COL5A2: variants seen among roughly 807,000 people sequenced by gnomAD.
COL5A2 encodes collagen alpha-2(V) chain.
Under a neutral mutation model 208.2 loss-of-function variants are expected in COL5A2, and 23 were observed. That is an observed-to-expected ratio of 0.11 (90% CI 0.08 to 0.16). COL5A2 has a LOEUF of 0.16. Among genes scored for constraint, COL5A2 ranks in the 10% least tolerant of loss-of-function variants. COL5A2 has a pLI of 1.00. For missense variants in COL5A2, 1,590 were observed against 1,956.4 expected (o/e 0.81, Z 3.53); for synonymous variants, 625 against 628.5 (o/e 0.99, Z 0.08).
At chr2:189,098,636 C>A (rs567826778) in intron 5 of COL5A2, 91 bp downstream of exon 5, 21 of 1,040,706 alleles carry the variant, frequency 2.0e-5, no homozygotes, top group South Asian at 1.6e-4. Context: ...TTGTTTAATT[C>A]TTTTATCTTC....
At chr2:189,351,451 T>C in the COL5A2 span, among the ~76,000 whole-genome samples, 1 of 152,192 alleles carries the variant, frequency 6.6e-6, no homozygotes, top group African/African-American at 2.4e-5. Flanking sequence ...TTAAAATGAT[T>C]AGACAGTTCT....
At chr2:189,261,530 G>A in the COL5A2 span, among the ~76,000 whole-genome samples, 1 of 152,168 alleles carries the variant, frequency 6.6e-6, no homozygotes, top group Non-Finnish European at 1.5e-5. Context: ...AATCATAAAA[G>A]TCTATCTCTT....
At chr2:189,191,163 C>CAA (rs1553526772) in intron 1 of COL5A2, among the ~76,000 whole-genome samples, 82 of 72,316 alleles carry the variant, frequency 1.1e-3, no homozygotes, top group Admixed American at 4.8e-3. Flanking sequence ...AAAAAACAAA[C>CAA]AAACAACAAA....
chr2:189,146,577 C>A (rs1688044033), intron 1 of COL5A2, among the ~76,000 whole-genome samples: 1 of 151,186 alleles, frequency 6.6e-6, no homozygotes, highest in African/African-American at 2.4e-5. Flanking sequence ...TAGCATTTGG[C>A]AAGAAAAAAG....
intron 43 of COL5A2, among the ~76,000 whole-genome samples, chr2:189,049,919 C>T (rs1685748977): frequency 6.6e-6 from 1 of 152,116 alleles, no homozygotes. Flanking sequence ...ATATTTCAAC[C>T]CACATGTCTC....
chr2:189,403,835 C>T, the COL5A2 span, among the ~76,000 whole-genome samples: 171 of 152,238 alleles, frequency 1.1e-3, no homozygotes, highest in African/African-American at 3.7e-3. Context: ...TTTGTTCAAG[C>T]GATTATCCTG....
the COL5A2 span, among the ~76,000 whole-genome samples, chr2:189,404,274 T>C: frequency 6.6e-6 from 1 of 152,162 alleles, no homozygotes; most frequent in Non-Finnish European, 1.5e-5. Context: ...CCCTCACCAA[T>C]GTGGGTAGCC....
chr2:189,195,354 G>A lies in COL5A2; in HGVS notation c.-42+29794C>T, dbSNP rs531594759. Reference sequence around the variant, plus strand: ...GAAAAACATTCCATCTTCATGGATAGGAAGAATTAATATCGTGAAAATGGC... The same window carrying A: ...GAAAAACATTCCATCTTCATGGATAAGAAGAATTAATATCGTGAAAATGGC... On this transcript the variant is annotated intron_variant, in intron 1 of 10. Coordinates refer to the COL5A2 transcript ENST00000649966. Among the ~76,000 whole-genome samples, 5 of 152,266 alleles carry A rather than the reference G, an allele frequency of 3.3e-5. No homozygotes were observed. The South Asian group carries it at 1.0e-3, about 32-fold the overall frequency.
chr2:189,436,067 T>C, the COL5A2 span, among the ~76,000 whole-genome samples: 4 of 152,096 alleles, frequency 2.6e-5, no homozygotes, highest in African/African-American at 9.7e-5. Flanking sequence ...CCCAGCAAAC[T>C]ATCACCAGGA....
At chr2:189,239,547 C>A in the COL5A2 span, among the ~76,000 whole-genome samples, 1 of 142,426 alleles carries the variant, frequency 7.0e-6, no homozygotes, top group East Asian at 2.1e-4. Flanking sequence ...CATATTCTCA[C>A]TCATAGTTGG....
intron 45 of COL5A2, 85 bp from the exon 46 acceptor site, chr2:189,045,992 TA>T: frequency 8.5e-7 from 1 of 1,178,464 alleles, no homozygotes; most frequent in Non-Finnish European, 1.2e-6. Context: ...CTTATAGTAT[TA>T]ATAATGGGAA....
chr2:189,177,739 T>C (rs1241110155), intron 1 of COL5A2, among the ~76,000 whole-genome samples: 1 of 152,218 alleles, frequency 6.6e-6, no homozygotes, highest in Admixed American at 6.5e-5. Context: ...TACATTTATG[T>C]CAATTACTAT....
the COL5A2 span, among the ~76,000 whole-genome samples, chr2:189,421,698 T>C: frequency 6.6e-6 from 1 of 151,952 alleles, no homozygotes; most frequent in East Asian, 1.9e-4. Flanking sequence ...GAACCACAGC[T>C]CCTGCAAGAC....
chr2:189,342,187 C>T, the COL5A2 span, among the ~76,000 whole-genome samples: 84 of 146,646 alleles, frequency 5.7e-4, no homozygotes, highest in East Asian at 0.015. Flanking sequence ...TTTTAAATGG[C>T]TAGTGTGCTC....
In COL5A2 at chr2:189,035,125, T is replaced by C. The variant is rs370026245; in HGVS notation, c.4144A>G (p.Thr1382Ala). Residue 1382 changes from threonine to alanine, a missense_variant, in exon 53 of 54, where the codon ACA (threonine) becomes GCA (alanine). By Grantham distance (58) the Thr-to-Ala change is moderately conservative. Transcript: ENST00000374866. ...AAAAAAGTCATCTGAGTAATGGCTG[T>C]ATTAGGTGATTGGTGGTCTCCATAA... ...FAYGDHQSPN[T>A]AITQMTFLRL... The C allele has an allele frequency of 1.5e-5, 24 of 1,613,766 alleles. No individual in the cohort carries two copies. Among genetic ancestry groups the C allele is most frequent in the Non-Finnish European group, 1.9e-5 (23 of 1,179,870 alleles).
chr2:189,287,018 G>A, the COL5A2 span, among the ~76,000 whole-genome samples: 2 of 151,932 alleles, frequency 1.3e-5, no homozygotes, highest in Admixed American at 6.6e-5. Flanking sequence ...TATCTCCTGG[G>A]AAAGATATGG....
the COL5A2 span, among the ~76,000 whole-genome samples, chr2:189,276,691 T>TTGGAATATTTC: frequency 1.3e-5 from 2 of 152,146 alleles, no homozygotes; most frequent in African/African-American, 4.8e-5. Context: ...TTTAAACAAG[T>TTGGAATATTTC]TGGAATATTT....
chr2:189,034,251 T>C, intron 53 of COL5A2, 35 bp from the exon 54 acceptor site: 2 of 1,612,820 alleles, frequency 1.2e-6, no homozygotes. Context: ...TAAATGTACA[T>C]ACAATTTTTT....
intron 1 of COL5A2, among the ~76,000 whole-genome samples, chr2:189,192,423 C>G (rs1034276006): frequency 2.0e-5 from 3 of 152,170 alleles, no homozygotes. Context: ...TCACTAACCA[C>G]TTTACATGAG....
Sources: gnomAD v4.1 joint callset for allele counts (sites outside exome capture counted in the v4.1 genomes callset) on GRCh38, gnomAD v4.1.1 for gene constraint, MANE v1.5 for transcripts, NCBI Gene and HGNC (gene_info 2026-07-23, HGNC 2026-07-21) for gene names.